CNTNAP2: variants seen among roughly 807,000 people sequenced by gnomAD.
The protein encoded by CNTNAP2 is contactin-associated protein-like 2.
In CNTNAP2, 98 loss-of-function variants were observed where a neutral mutation model predicts 155.2. That is an observed-to-expected ratio of 0.63 (90% CI 0.54 to 0.75). The LOEUF is 0.75. Ranked by LOEUF, CNTNAP2 falls within the 30% of genes least tolerant of loss-of-function variation. CNTNAP2 has a pLI of 0.00. For missense variants in CNTNAP2, 1,727 were observed against 1,688.1 expected (o/e 1.02, Z -0.40); for synonymous variants, 651 against 631.2 (o/e 1.03, Z -0.47).
At chr7:146,628,964 G>A (rs544087733) in intron 1 of CNTNAP2, among the ~76,000 whole-genome samples, 14 of 152,158 alleles carry the variant, frequency 9.2e-5, no homozygotes, top group African/African-American at 2.4e-4. Flanking sequence ...AAAGTCATAC[G>A]GGCTCAAACT....
At chr7:146,931,394 C>A (rs1463340124) in intron 3 of CNTNAP2, among the ~76,000 whole-genome samples, 1 of 148,442 alleles carries the variant, frequency 6.7e-6, no homozygotes, top group Non-Finnish European at 1.5e-5. Context: ...CCAACGAGAA[C>A]AAAGACACAA....
intron 3 of CNTNAP2, among the ~76,000 whole-genome samples, chr7:146,941,746 A>G (rs929414967): frequency 3.3e-5 from 5 of 151,320 alleles, no homozygotes; most frequent in Admixed American, 2.6e-4. Flanking sequence ...TCTGAAGAAC[A>G]GTTTTCCTGG....
At chr7:147,833,050 G>A (rs1195997132) in intron 13 of CNTNAP2, among the ~76,000 whole-genome samples, 1 of 150,302 alleles carries the variant, frequency 6.7e-6, no homozygotes, top group East Asian at 1.9e-4. Flanking sequence ...AAGCTGAAAA[G>A]AGTTCTTTCA....
At chr7:147,388,425 G>A (rs1372345034) in intron 9 of CNTNAP2, among the ~76,000 whole-genome samples, 1 of 152,088 alleles carries the variant, frequency 6.6e-6, no homozygotes, top group African/African-American at 2.4e-5. Flanking sequence ...CTGTACGTAG[G>A]CTGTCTTCAG....
At chr7:147,929,281 T>G (rs1800456579) in intron 14 of CNTNAP2, among the ~76,000 whole-genome samples, 3 of 152,002 alleles carry the variant, frequency 2.0e-5, no homozygotes, top group Non-Finnish European at 2.9e-5. Flanking sequence ...GAAGAGATAT[T>G]ATTCACATAA....
chr7:146,896,067 G>A (rs1277457682), intron 3 of CNTNAP2, among the ~76,000 whole-genome samples: 1 of 151,812 alleles, frequency 6.6e-6, no homozygotes, highest in African/African-American at 2.4e-5. Flanking sequence ...TGATTTATTG[G>A]GATATACTAT....
At chr7:146,975,749 C>G (rs565587049) in intron 3 of CNTNAP2, among the ~76,000 whole-genome samples, 1 of 152,290 alleles carries the variant, frequency 6.6e-6, no homozygotes, top group South Asian at 2.1e-4. Flanking sequence ...GGTGCCAGAG[C>G]ACACATTAGG....
chr7:146,971,453 G>A (rs1213469624), intron 3 of CNTNAP2, among the ~76,000 whole-genome samples: 2 of 152,120 alleles, frequency 1.3e-5, no homozygotes, highest in South Asian at 2.1e-4. Context: ...AAATGCAGAG[G>A]AAATAGAAGG....
At chr7:147,838,424 G>T (rs915195811) in intron 13 of CNTNAP2, among the ~76,000 whole-genome samples, 1 of 152,014 alleles carries the variant, frequency 6.6e-6, no homozygotes, top group Admixed American at 6.6e-5. Flanking sequence ...CACATTGTCA[G>T]GCTGCAAATT....
intron 1 of CNTNAP2, among the ~76,000 whole-genome samples, chr7:146,394,408 T>C (rs888650163): frequency 2.6e-5 from 4 of 152,144 alleles, no homozygotes; most frequent in African/African-American, 4.8e-5. Context: ...TCTCAGTCTA[T>C]CCTTTATTAC....
intron 13 of CNTNAP2, among the ~76,000 whole-genome samples, chr7:147,803,115 T>A (rs932883719): frequency 6.6e-6 from 1 of 152,156 alleles, no homozygotes; most frequent in Non-Finnish European, 1.5e-5. Flanking sequence ...CTACAGTTAT[T>A]TGAGAGAAAG....
intron 18 of CNTNAP2, among the ~76,000 whole-genome samples, chr7:148,213,722 C>A (rs1463366699): frequency 1.3e-5 from 2 of 151,634 alleles, no homozygotes; most frequent in Non-Finnish European, 2.9e-5. Context: ...CCAGGCGGCC[C>A]GCCCTGCCTG....
chr7:146,626,398 A>T (rs569417983), intron 1 of CNTNAP2, among the ~76,000 whole-genome samples: 10 of 152,158 alleles, frequency 6.6e-5, no homozygotes, highest in Admixed American at 6.6e-4. Context: ...ACCTATAAAT[A>T]AAACAGAAAT....
chr7:148,273,373 G>A (rs1796816479), intron 21 of CNTNAP2, among the ~76,000 whole-genome samples: 1 of 152,188 alleles, frequency 6.6e-6, no homozygotes, highest in Non-Finnish European at 1.5e-5. Flanking sequence ...GATGCATGAT[G>A]ATAGATATGA....
intron 12 of CNTNAP2, among the ~76,000 whole-genome samples, chr7:147,630,804 G>T (rs1334917251): frequency 6.6e-6 from 1 of 152,064 alleles, no homozygotes; most frequent in Middle Eastern, 3.2e-3. Flanking sequence ...TGCAAAATTG[G>T]CATAGAAGGG....
At chr7:146,872,557 G>A (rs1366380817) in intron 3 of CNTNAP2, among the ~76,000 whole-genome samples, 1 of 152,104 alleles carries the variant, frequency 6.6e-6, no homozygotes, top group Non-Finnish European at 1.5e-5. Context: ...TACGGCTGTT[G>A]TACTAATAAT....
chr7:147,731,001 A>T (rs1019897957), intron 13 of CNTNAP2, among the ~76,000 whole-genome samples: 1 of 152,150 alleles, frequency 6.6e-6, no homozygotes, highest in African/African-American at 2.4e-5. Flanking sequence ...AACTCTGTGA[A>T]GGCTCAGAGA....
chr7:147,626,669 G>A (rs117266446), intron 12 of CNTNAP2, among the ~76,000 whole-genome samples: 1 of 152,148 alleles, frequency 6.6e-6, no homozygotes, highest in Admixed American at 6.5e-5. Context: ...TACTGCAGCT[G>A]TTGCTGTCTT....
chr7:148,126,036 T>C (rs936038837), intron 16 of CNTNAP2, among the ~76,000 whole-genome samples: 1 of 152,110 alleles, frequency 6.6e-6, no homozygotes, highest in Admixed American at 6.5e-5. Flanking sequence ...TAGGATAATA[T>C]TAGAGGTACG....
Sources: gnomAD v4.1 joint callset for allele counts (sites outside exome capture counted in the v4.1 genomes callset) on GRCh38, gnomAD v4.1.1 for gene constraint, MANE v1.5 for transcripts, NCBI Gene and HGNC (gene_info 2026-07-23, HGNC 2026-07-21) for gene names.